The following IGSF11 variants were observed in gnomAD, a reference collection of about 807,000 sequenced individuals.
IGSF11 encodes the protein immunoglobulin superfamily member 11.
Under a neutral mutation model 41.0 loss-of-function variants are expected in IGSF11, and 22 were observed. That is an observed-to-expected ratio of 0.54 (90% CI 0.38 to 0.77). The LOEUF (loss-of-function observed/expected upper bound fraction) is 0.77, where lower values mean the gene tolerates loss of function less well. Among genes scored for constraint, IGSF11 ranks in the 30% least tolerant of loss-of-function variants. The pLI is 0.00. For missense variants in IGSF11, 444 were observed against 530.8 expected (o/e 0.84, Z 1.61); for synonymous variants, 219 against 201.3 (o/e 1.09, Z -0.74).
intron 2 of IGSF11, among the ~76,000 whole-genome samples, 193 bp downstream of exon 2, chr3:118,929,919 T>C (rs910869051): frequency 1.3e-5 from 2 of 152,204 alleles, no homozygotes; most frequent in African/African-American, 4.8e-5. Context: ...TAACATCTGT[T>C]ACCTTTTTAA....
chr3:119,133,027 C>T (rs549744513), intron 1 of IGSF11, among the ~76,000 whole-genome samples: 102 of 152,064 alleles, frequency 6.7e-4, no homozygotes, highest in African/African-American at 2.0e-3. Context: ...ATGAGAACAA[C>T]GACATAACAT....
chr3:119,135,365 A>C, intron 1 of IGSF11, among the ~76,000 whole-genome samples: 1 of 152,244 alleles, frequency 6.6e-6, no homozygotes, highest in Non-Finnish European at 1.5e-5. Context: ...CAAATTTACA[A>C]GAAAGAAACA....
At chr3:119,090,208 C>T (rs1206640487) in intron 1 of IGSF11, among the ~76,000 whole-genome samples, 2 of 152,074 alleles carry the variant, frequency 1.3e-5, no homozygotes, top group Non-Finnish European at 2.9e-5. Flanking sequence ...AGGAAAACTA[C>T]AAATCACTGC....
chr3:118,906,926 A>G (rs922043313), intron 4 of IGSF11, among the ~76,000 whole-genome samples: 2 of 152,206 alleles, frequency 1.3e-5, no homozygotes, highest in African/African-American at 2.4e-5. Flanking sequence ...GCTGGTTGTT[A>G]GGAAATTCAA....
chr3:118,903,941 C>T (rs1939252553), intron 6 of IGSF11, among the ~76,000 whole-genome samples: 1 of 152,038 alleles, frequency 6.6e-6, no homozygotes, highest in South Asian at 2.1e-4. Flanking sequence ...GAGGCTTGAG[C>T]AAAAGCCCTG....
intron 4 of IGSF11, among the ~76,000 whole-genome samples, chr3:118,921,283 G>T (rs2110364): frequency 1.3e-5 from 2 of 152,130 alleles, no homozygotes; most frequent in Admixed American, 6.6e-5. Context: ...TCAGCACCTA[G>T]AACAGTTTCT....
intron 1 of IGSF11, among the ~76,000 whole-genome samples, chr3:119,064,013 G>A (rs1009728178): frequency 1.2e-4 from 18 of 152,150 alleles, no homozygotes; most frequent in Non-Finnish European, 2.4e-4. Flanking sequence ...CATTATAGTG[G>A]TCCAGAAAGT....
intron 1 of IGSF11, among the ~76,000 whole-genome samples, chr3:119,004,032 G>A (rs956799280): frequency 6.6e-6 from 1 of 152,016 alleles, no homozygotes; most frequent in African/African-American, 2.4e-5. Context: ...AGGTTCAGAA[G>A]GAATGGTACC....
intron 1 of IGSF11, among the ~76,000 whole-genome samples, chr3:119,064,593 T>A (rs912060299): frequency 6.6e-5 from 10 of 150,596 alleles, no homozygotes; most frequent in African/African-American, 2.4e-4. Flanking sequence ...GGATTTTGAC[T>A]GGGGTTGTAC....
At chr3:119,052,080 A>T (rs1941647773) in intron 1 of IGSF11, among the ~76,000 whole-genome samples, 1 of 152,172 alleles carries the variant, frequency 6.6e-6, no homozygotes, top group South Asian at 2.1e-4. Context: ...CTAGAAAAAA[A>T]GAACAAACCA....
chr3:119,136,014 G>A (rs2077556348), intron 1 of IGSF11, among the ~76,000 whole-genome samples: 6 of 152,184 alleles, frequency 3.9e-5, no homozygotes, highest in South Asian at 2.1e-4. Flanking sequence ...ACTGAACAAT[G>A]AGAACACTTG....
chr3:119,041,403 G>A (rs998457095), intron 1 of IGSF11, among the ~76,000 whole-genome samples: 6 of 152,050 alleles, frequency 3.9e-5, no homozygotes, highest in Non-Finnish European at 8.8e-5. Context: ...CCAACATGGT[G>A]AAACCCCATC....
At chr3:119,095,268 T>C (rs2076831945) in intron 1 of IGSF11, among the ~76,000 whole-genome samples, 1 of 152,122 alleles carries the variant, frequency 6.6e-6, no homozygotes, top group Non-Finnish European at 1.5e-5. Flanking sequence ...TAAAAAATCT[T>C]GCACAAAGAG....
intron 4 of IGSF11, among the ~76,000 whole-genome samples, chr3:118,911,153 GAATA>G (rs1396856151): frequency 6.6e-6 from 1 of 151,356 alleles, no homozygotes; most frequent in African/African-American, 2.4e-5. Context: ...AAAAATGAAT[GAATA>G]TATACACAAA....
chr3:119,134,679 A>ACC (rs1374480147), intron 1 of IGSF11, among the ~76,000 whole-genome samples: 3 of 152,156 alleles, frequency 2.0e-5, no homozygotes, highest in Admixed American at 2.0e-4. Context: ...CCATCAAGCA[A>ACC]AATGACTTTC....
At chr3:119,112,957 C>T (rs1010325811) in intron 1 of IGSF11, among the ~76,000 whole-genome samples, 14 of 152,284 alleles carry the variant, frequency 9.2e-5, no homozygotes, top group African/African-American at 2.9e-4. Flanking sequence ...GAAGAGGAAG[C>T]AGACATGTCC....
intron 1 of IGSF11, among the ~76,000 whole-genome samples, chr3:119,049,846 A>AT (rs1482995731): frequency 1.3e-5 from 2 of 148,368 alleles, no homozygotes; most frequent in African/African-American, 5.0e-5. Context: ...ATAACGCCGC[A>AT]TATCTACAAC....
chr3:118,917,346 T>C (rs953519614), intron 4 of IGSF11, among the ~76,000 whole-genome samples: 6 of 149,706 alleles, frequency 4.0e-5, no homozygotes, highest in Non-Finnish European at 7.4e-5. Context: ...ATCAACAAAA[T>C]TGATAGACCA....
intron 1 of IGSF11, among the ~76,000 whole-genome samples, chr3:119,131,487 G>A (rs1334785879): frequency 6.6e-6 from 1 of 152,110 alleles, no homozygotes; most frequent in Admixed American, 6.6e-5. Context: ...ATAGCGAGAA[G>A]ACAAGATTAG....
Sources: allele counts gnomAD v4.1 joint callset (sites outside exome capture counted in the v4.1 genomes callset), GRCh38; gene constraint gnomAD v4.1.1; transcripts MANE v1.5; gene names NCBI Gene and HGNC (gene_info 2026-07-23, HGNC 2026-07-21).